The following RNASEK variants were observed in gnomAD, a reference collection of about 807,000 sequenced individuals.
The protein encoded by RNASEK is ribonuclease kappa.
In RNASEK, 7 loss-of-function variants were observed where a neutral mutation model predicts 11.2. The observed-to-expected ratio is 0.62, with a 90% confidence interval of 0.35 to 1.17. The LOEUF is 1.17. RNASEK is among the 50% of genes most tolerant of loss of function. RNASEK has a pLI of 0.02. For missense variants in RNASEK, 101 were observed against 126.7 expected (o/e 0.80, Z 0.97); for synonymous variants, 46 against 49.5 (o/e 0.93, Z 0.30).
chr17:7,012,920 T>C (rs1909512845), intron 1 of RNASEK, 159 bp downstream of exon 1: 1 of 651,452 alleles, frequency 1.5e-6, no homozygotes, highest in East Asian at 2.7e-5. Context: ...ATGGGAACTG[T>C]TCGAGACCAG....
chr17:7,012,823 G>A, intron 1 of RNASEK, 62 bp downstream of exon 1: 2 of 1,500,212 alleles, frequency 1.3e-6, no homozygotes, highest in Non-Finnish European at 1.8e-6. Flanking sequence ...GGGAGGGCTG[G>A]GAGGCGAGGA....
At chr17:7,013,533 C>T in intron 1 of RNASEK, 133 bp from the exon 2 acceptor site, 1 of 1,603,536 alleles carries the variant, frequency 6.2e-7, no homozygotes, top group African/African-American at 1.3e-5. Flanking sequence ...GAGTCCGAAT[C>T]CAGTAACCAC....
At position 7,013,948 on chromosome 17, in the gene RNASEK, T is replaced by G. The variant is rs1909622146; in HGVS notation, c.156-197T>G. 4.4e-6 allele frequency: 3 copies of G among 686,110 alleles called. No individual in the cohort carries two copies. The South Asian group carries it at 5.5e-5, about 13-fold the overall frequency. The allele number at this position is 686,110 out of a possible 1,614,324, so 42.5% of individuals were successfully genotyped here. A position where few individuals can be genotyped will look rare whatever the true frequency, so the allele number is the denominator to read the frequency against. The stretch of plus-strand genomic sequence containing the variant: ...AACCCACCACCTTAGGTGTGACCTC[T>G]TTAGGTATTTTACTTTTCTGTGCTT... On this transcript the variant is annotated intron_variant, in intron 2 of 2. Coordinates refer to ENST00000593646, the MANE Select transcript of RNASEK (RefSeq NM_001004333.5).
At position 7,014,382 on chromosome 17, in the gene RNASEK, T is replaced by TG; in HGVS notation, c.*97dup. ...GCGTCCCACCCTTGCCGGCGCCCTC[T>TG]GCGGGACTGGGTTTCCCGGGCGAGA... On this transcript the variant is annotated 3_prime_UTR_variant, in exon 3 of 3. Transcript: ENST00000593646. This position sits in a 1 kb window ranked among gnomAD's most constrained non-coding sequence, Gnocchi z 4.5. 7.4e-7 allele frequency: 1 copy of TG among 1,355,240 alleles called. No individual in the cohort carries two copies. The highest frequency in any genetic ancestry group is 2.4e-5 in the East Asian group (1 of 41,774). 84.0% of individuals were successfully genotyped at this position (1,355,240 alleles called of 1,614,324 possible).
chr17:7,013,536 G>A, intron 1 of RNASEK, 130 bp from the exon 2 acceptor site: 3 of 1,605,188 alleles, frequency 1.9e-6, no homozygotes, highest in Non-Finnish European at 2.5e-6. Context: ...TCCGAATCCA[G>A]TAACCACCAC....
At chr17:7,012,832 G>A (rs1295135496) in intron 1 of RNASEK, 71 bp downstream of exon 1, 3 of 1,438,674 alleles carry the variant, frequency 2.1e-6, no homozygotes, top group Non-Finnish European at 2.9e-6. Context: ...GGGAGGCGAG[G>A]AAACTCTGGG....
At position 7,014,403 on chromosome 17, in the gene RNASEK, C is replaced by A. The variant is rs1909659278; in HGVS notation, c.*117C>A. 1.9e-6 allele frequency: 2 copies of A among 1,069,264 alleles called. No individual in the cohort carries two copies. The highest frequency in any genetic ancestry group is 2.7e-6 in the Non-Finnish European group (2 of 737,534). 66.2% of individuals were successfully genotyped at this position (1,069,264 alleles called of 1,614,324 possible). On this transcript the variant is annotated 3_prime_UTR_variant, in exon 3 of 3. Coordinates refer to ENST00000593646, the MANE Select transcript of RNASEK (RefSeq NM_001004333.5). The surrounding 1 kb of genome is among the most constrained non-coding windows in gnomAD (Gnocchi z 4.5). ...CCTCTGCGGGACTGGGTTTCCCGGGCGAGAGACTGAATCCCTTCTCCCATC... is the reference window on the plus strand; with the variant it reads ...CCTCTGCGGGACTGGGTTTCCCGGGAGAGAGACTGAATCCCTTCTCCCATC...
At chr17:7,013,826 G>A in intron 2 of RNASEK, 84 bp downstream of exon 2, 1 of 1,085,184 alleles carries the variant, frequency 9.2e-7, no homozygotes, top group Non-Finnish European at 1.4e-6. Flanking sequence ...GGGAGGCCCG[G>A]TGCTTAGGGC....
intron 2 of RNASEK, 180 bp from the exon 3 acceptor site, chr17:7,013,965 T>A: frequency 2.8e-6 from 2 of 717,430 alleles, no homozygotes; most frequent in South Asian, 1.8e-5. Context: ...ATTTTACTTT[T>A]CTGTGCTTCT....
intron 2 of RNASEK, 87 bp downstream of exon 2, chr17:7,013,829 CT>C: frequency 9.5e-7 from 1 of 1,057,380 alleles, no homozygotes; most frequent in Non-Finnish European, 1.5e-6. Flanking sequence ...AGGCCCGGTG[CT>C]TAGGGCCCCT....
intron 2 of RNASEK, 43 bp downstream of exon 2, chr17:7,013,785 G>A (rs748813534): frequency 4.9e-6 from 7 of 1,414,780 alleles, no homozygotes; most frequent in Non-Finnish European, 1.0e-6. Flanking sequence ...GCAGGTGGGA[G>A]GTGGCGAGGC....
chr17:7,013,374 C>G (rs963412400), intron 1 of RNASEK: 2 of 1,533,866 alleles, frequency 1.3e-6, no homozygotes, highest in African/African-American at 2.7e-5. Flanking sequence ...CCGGTTCTCC[C>G]TCCCCTCTTC....
In RNASEK at chr17:7,014,500, C is replaced by T. The variant is rs893664361; in HGVS notation, c.*214C>T. The T allele has an allele frequency of 2.3e-5, 14 of 615,464 alleles. No individual in the cohort carries two copies. The highest frequency in any genetic ancestry group is 4.0e-5 in the Non-Finnish European group (14 of 350,730). The allele number at this position is 615,464 out of a possible 1,614,324, so 38.1% of individuals were successfully genotyped here. ...CCGTTTCTCCACCCTTCGCTGTGTC[C>T]CGTATCTCAATAAAGAGAATCTGCT... On this transcript the variant is annotated 3_prime_UTR_variant, in exon 3 of 3. Transcript: ENST00000593646. This position sits in a 1 kb window ranked among gnomAD's most constrained non-coding sequence, Gnocchi z 4.5.
rs1909518342 is a variant in RNASEK, at chr17:7,012,958, C to G, written c.78+197C>G. On this transcript the variant is annotated intron_variant, in intron 1 of 2. Transcript: ENST00000593646. The stretch of plus-strand genomic sequence containing the variant: ...TGACCAACATGGTGAAACCCCGTCT[C>G]CAATAAAAATACAAAAATTAGCCGG... The G allele has an allele frequency of 1.0e-5, 6 of 590,046 alleles. No individual in the cohort carries two copies. The South Asian group carries it at 1.3e-4, about 12-fold the overall frequency. 36.6% of individuals were successfully genotyped at this position (590,046 alleles called of 1,614,324 possible).
At chr17:7,012,807 C>T (rs1567722817) in intron 1 of RNASEK, 46 bp downstream of exon 1, 2 of 1,565,262 alleles carry the variant, frequency 1.3e-6, no homozygotes, top group Admixed American at 3.4e-5. Flanking sequence ...TGAGGGGCTC[C>T]GGGCTGGGAG....
chr17:7,013,293 T>C (rs2151652092), intron 1 of RNASEK: 1 of 1,467,616 alleles, frequency 6.8e-7, no homozygotes, highest in East Asian at 2.5e-5. Flanking sequence ...GTTCCAGAAA[T>C]GTGTAGCTGG....
chr17:7,013,481 C>T, intron 1 of RNASEK, 185 bp from the exon 2 acceptor site: 3 of 1,553,706 alleles, frequency 1.9e-6, no homozygotes, highest in Non-Finnish European at 2.6e-6. Context: ...GCCTCGACCA[C>T]TTGTCTCAAT....
At position 7,013,717 on chromosome 17, in the gene RNASEK, G is replaced by GTTC. The variant is rs775558982; in HGVS notation, c.131_133dup (p.Val44_Pro45insLeu). 48 of 1,612,000 alleles carry GTTC rather than the reference G, an allele frequency of 3.0e-5. No homozygotes were observed. The highest frequency in any genetic ancestry group is 4.0e-5 in the Non-Finnish European group (47 of 1,178,318). On this transcript the variant is annotated inframe_insertion, in exon 2 of 3. Transcript: ENST00000593646. ...CCATTCCGCTGTGTTGATTGAGGAC[G>GTTC]TTCCCTTCACGGAGAAAGATTTTGA... is the stretch of plus-strand genomic sequence containing the variant.
Position 7,012,646 on chromosome 17 carries a change from G to T in RNASEK, c.-38G>T, listed in dbSNP as rs375283431. On this transcript the variant is annotated 5_prime_UTR_variant, in exon 1 of 3. Transcript: ENST00000593646. The stretch of plus-strand genomic sequence containing the variant: ...TGGGCTTTCTCCCACCGCTTTCCGA[G>T]CCCGCTTGCACCTCGGCGATCCCCG... The T allele has an allele frequency of 2.1e-5, 33 of 1,609,550 alleles. No homozygotes were observed. The East Asian group carries it at 4.0e-4, about 20-fold the overall frequency.
Sources: gnomAD v4.1 joint callset for allele counts on GRCh38, gnomAD v4.1.1 for gene constraint, Gnocchi (gnomAD v3.1) non-coding constraint, MANE v1.5 for transcripts, NCBI Gene and HGNC (gene_info 2026-07-23, HGNC 2026-07-21) for gene names.